The following RAB12 variants were observed in gnomAD, a reference collection of about 807,000 sequenced individuals.
RAB12 encodes the protein RAB12, member RAS oncogene family.
A neutral mutation model predicts 28.4 loss-of-function variants in RAB12; 11 were observed. That is an observed-to-expected ratio of 0.39 (90% CI 0.24 to 0.64). RAB12 has a LOEUF of 0.64. Ranked by LOEUF, RAB12 falls within the 30% of genes least tolerant of loss-of-function variation. The pLI is 0.50. For missense variants in RAB12, 276 were observed against 351.1 expected (o/e 0.79, Z 1.71); for synonymous variants, 138 against 145.3 (o/e 0.95, Z 0.36).
At chr18:8,624,203 T>G (rs1367866571) in intron 1 of RAB12, among the ~76,000 whole-genome samples, 2 of 152,256 alleles carry the variant, frequency 1.3e-5, no homozygotes, top group Non-Finnish European at 2.9e-5. Flanking sequence ...ATGAAAATTG[T>G]GTAATAAAAT....
chr18:8,621,641 A>G (rs371869835), intron 1 of RAB12, among the ~76,000 whole-genome samples: 41 of 151,892 alleles, frequency 2.7e-4, no homozygotes, highest in African/African-American at 8.9e-4. Flanking sequence ...TTTTAGGGTC[A>G]GGGGGTACAT....
rs1011037233 is a variant in RAB12 at position 8,638,074 on chromosome 18, C to T, written c.910-75C>T. ...TATAAGTGGACCTGTGCAGTTGAAA[C>T]TCATGTTCAAGGGTCAGCTGTATGT... On this transcript the variant is annotated intron_variant, in intron 5 of 5. Transcript: ENST00000649141. 2.3e-5 allele frequency: 21 copies of T among 918,498 alleles called. No individual in the cohort carries two copies. The East Asian group carries it at 4.7e-4, about 21-fold the overall frequency. The allele number at this position is 918,498 out of a possible 1,614,324, so 56.9% of individuals were successfully genotyped here. A position where few individuals can be genotyped will look rare whatever the true frequency, so the allele number is the denominator to read the frequency against.
chr18:8,616,390 A>AG (rs1196903982), intron 1 of RAB12, among the ~76,000 whole-genome samples: 1 of 151,950 alleles, frequency 6.6e-6, no homozygotes, highest in African/African-American at 2.4e-5. Context: ...AAAAAAAAAA[A>AG]AAAAAAAAAA....
chr18:8,629,002 G>A (rs145641450), intron 2 of RAB12, among the ~76,000 whole-genome samples: 8 of 152,190 alleles, frequency 5.3e-5, no homozygotes, highest in Non-Finnish European at 1.0e-4. Flanking sequence ...TAAATTTGTG[G>A]TTCAGCGATA....
At chr18:8,625,211 G>T (rs2096012021) in intron 2 of RAB12, among the ~76,000 whole-genome samples, 1 of 152,236 alleles carries the variant, frequency 6.6e-6, no homozygotes, top group South Asian at 2.1e-4. Flanking sequence ...AGCAGTTGTG[G>T]ACAGAAGAAT....
intron 5 of RAB12, among the ~76,000 whole-genome samples, chr18:8,637,277 T>TA (rs2096019483): frequency 7.9e-6 from 1 of 126,774 alleles, no homozygotes; most frequent in African/African-American, 3.9e-5. Context: ...CTGTCTCTAT[T>TA]TAAAAAAAAA....
intron 1 of RAB12, among the ~76,000 whole-genome samples, chr18:8,613,829 A>AAGTAGT (rs3050584): frequency 0.11 from 17,069 of 148,644 alleles, 1,019 homozygotes; most frequent in African/African-American, 0.16. Context: ...CTATAAATAG[A>AAGTAGT]AGTAGTAGTA....
At chr18:8,617,852 C>A (rs1420935732) in intron 1 of RAB12, among the ~76,000 whole-genome samples, 3 of 152,136 alleles carry the variant, frequency 2.0e-5, no homozygotes, top group African/African-American at 7.2e-5. Flanking sequence ...TCTGTTTTTT[C>A]ATCTATAAAA....
intron 2 of RAB12, among the ~76,000 whole-genome samples, chr18:8,625,725 G>T (rs1377595501): frequency 6.6e-6 from 1 of 152,214 alleles, no homozygotes; most frequent in Non-Finnish European, 1.5e-5. Context: ...TAGCCCCATT[G>T]AGGTGCTCTG....
chr18:8,610,028 G>C (rs1453530744), intron 1 of RAB12, 75 bp downstream of exon 1: 6 of 1,168,814 alleles, frequency 5.1e-6, no homozygotes, highest in Non-Finnish European at 7.5e-6. Flanking sequence ...TGGGCTTCGA[G>C]TCTCATCGAG....
intron 1 of RAB12, among the ~76,000 whole-genome samples, chr18:8,622,324 CG>C (rs763876446): frequency 6.6e-6 from 1 of 152,264 alleles, no homozygotes; most frequent in South Asian, 2.1e-4. Context: ...GAACCTGCCC[CG>C]TTAGTCACGT....
chr18:8,619,758 G>A (rs777969958), intron 1 of RAB12, among the ~76,000 whole-genome samples: 22 of 152,220 alleles, frequency 1.4e-4, no homozygotes, highest in East Asian at 5.8e-4. Context: ...TAGTTTCCCC[G>A]TCACTGGGCT....
At chr18:8,617,878 A>G (rs1044330392) in intron 1 of RAB12, among the ~76,000 whole-genome samples, 17 of 152,298 alleles carry the variant, frequency 1.1e-4, no homozygotes, top group South Asian at 6.2e-4. Flanking sequence ...ACAGTAATAT[A>G]TACCTCATAA....
intron 1 of RAB12, among the ~76,000 whole-genome samples, chr18:8,610,479 C>T (rs1598305862): frequency 1.3e-5 from 2 of 152,234 alleles, no homozygotes; most frequent in Non-Finnish European, 2.9e-5. Context: ...TCGTGCTAGC[C>T]GTACGTACGG....
intron 2 of RAB12, among the ~76,000 whole-genome samples, chr18:8,630,980 G>A (rs531052030): frequency 6.6e-6 from 1 of 152,298 alleles, no homozygotes; most frequent in Non-Finnish European, 1.5e-5. Flanking sequence ...CCTCTGCCTC[G>A]CAGGCTCAAG....
intron 2 of RAB12, among the ~76,000 whole-genome samples, chr18:8,632,214 G>A (rs555967450): frequency 2.0e-4 from 30 of 150,010 alleles, no homozygotes; most frequent in Non-Finnish European, 3.4e-4. Context: ...GGAGGCAGAG[G>A]TTGCAGTGAA....
chr18:8,626,938 A>C (rs1158797985), intron 2 of RAB12, among the ~76,000 whole-genome samples: 1 of 152,252 alleles, frequency 6.6e-6, no homozygotes, highest in African/African-American at 2.4e-5. Flanking sequence ...CTTTTCCTGC[A>C]GGAAGGTTTT....
At chr18:8,621,315 T>C (rs1371010541) in intron 1 of RAB12, among the ~76,000 whole-genome samples, 1 of 152,236 alleles carries the variant, frequency 6.6e-6, no homozygotes, top group Non-Finnish European at 1.5e-5. Flanking sequence ...TTTTGACTTT[T>C]AATATAAGAA....
At chr18:8,630,473 A>G (rs970801683) in intron 2 of RAB12, among the ~76,000 whole-genome samples, 2 of 152,204 alleles carry the variant, frequency 1.3e-5, no homozygotes, top group African/African-American at 2.4e-5. Flanking sequence ...GTTTCTTACC[A>G]GACTTAAAGT....
Sources: gnomAD v4.1 joint callset for allele counts (sites outside exome capture counted in the v4.1 genomes callset) on GRCh38, gnomAD v4.1.1 for gene constraint, MANE v1.5 for transcripts, NCBI Gene and HGNC (gene_info 2026-07-23, HGNC 2026-07-21) for gene names.